DNPEP: variants seen among roughly 807,000 people sequenced by gnomAD.
DNPEP encodes aspartyl aminopeptidase.
A neutral mutation model predicts 59.1 loss-of-function variants in DNPEP; 46 were observed. That is an observed-to-expected ratio of 0.78 (90% CI 0.61 to 0.99). DNPEP has a LOEUF of 0.99. Among genes scored for constraint, DNPEP ranks in the 50% least tolerant of loss-of-function variants. DNPEP has a pLI of 0.00. For synonymous variants in DNPEP, 229 were observed against 242.2 expected, an observed-to-expected ratio of 0.95 and a Z score of 0.50; for missense variants, 617 against 649.9, an observed-to-expected ratio of 0.95 and a Z score of 0.55.
rs1372257162 is a variant in DNPEP, at chr2:219,372,051, T to C, written c.*2241A>G. Among the ~76,000 whole-genome samples the C allele has an allele frequency of 6.6e-6, 1 of 152,196 alleles. No individual in the cohort carries two copies. Among genetic ancestry groups the C allele is most frequent in the Non-Finnish European group, 1.5e-5 (1 of 68,036 alleles). On this transcript the variant is annotated 3_prime_UTR_variant, in exon 15 of 15. Coordinates refer to ENST00000273075, the MANE Select transcript of DNPEP (RefSeq NM_012100.4). ...ATGTACAATGATATATGTACATTTATCTCAATGTTATTTAGAGTTGTCAAC... is the reference window on the plus strand; with the variant it reads ...ATGTACAATGATATATGTACATTTACCTCAATGTTATTTAGAGTTGTCAAC...
chr2:219,390,707 G>A (rs1425382615), upstream of DNPEP, among the ~76,000 whole-genome samples: 1 of 152,128 alleles, frequency 6.6e-6, no homozygotes, highest in Non-Finnish European at 1.5e-5. Flanking sequence ...GTGTGCACTT[G>A]TAATCCCAGC....
intron 1 of DNPEP, among the ~76,000 whole-genome samples, chr2:219,397,265 G>T (rs1954114572): frequency 7.2e-6 from 1 of 138,784 alleles, no homozygotes; most frequent in African/African-American, 2.7e-5. Flanking sequence ...CAGACAGGAA[G>T]CTTGAGACAG....
At chr2:219,391,908 A>C (rs1465200850), upstream of DNPEP, among the ~76,000 whole-genome samples, 1 of 151,680 alleles carries the variant, frequency 6.6e-6, no homozygotes, top group East Asian at 1.9e-4. Context: ...AGGAATTGTT[A>C]CAGAAAAGAA....
At chr2:219,379,782 A>T (rs1204567419) in intron 13 of DNPEP, among the ~76,000 whole-genome samples, 1 of 151,970 alleles carries the variant, frequency 6.6e-6, no homozygotes, top group Non-Finnish European at 1.5e-5. Context: ...TTAGCCAGGC[A>T]TGGTGGTGCG....
upstream of DNPEP, chr2:219,387,922 G>A (rs1953924145): frequency 4.4e-6 from 6 of 1,362,212 alleles, no homozygotes; most frequent in Admixed American, 3.9e-5. Flanking sequence ...CCCCGGCCGC[G>A]CCGCCCCGCC....
rs1253104475 is a variant in DNPEP at position 219,381,578 on chromosome 2, C to T, written c.1104G>A (p.Lys368=). Residue 368 remains lysine, a synonymous_variant, in exon 12 of 15, where the codon AAG becomes AAA. Coordinates refer to ENST00000273075, the MANE Select transcript of DNPEP (RefSeq NM_012100.4). Reference sequence around the variant, plus strand: ...ATAAAGGCCGGTGGTTCTCCTCATGCTTGTCCCTGTAAGAGACAGATAAGG... The same window carrying T: ...ATAAAGGCCGGTGGTTCTCCTCATGTTTGTCCCTGTAAGAGACAGATAAGG... The part of the protein sequence containing the change: ...AHAVHPNYLD[K]HEENHRPLFH... 1 of 1,614,134 alleles carries T rather than the reference C, an allele frequency of 6.2e-7. No homozygotes were observed. The highest frequency in any genetic ancestry group is 8.5e-7 in the Non-Finnish European group (1 of 1,180,028).
At position 219,382,516 on chromosome 2, in the gene DNPEP, G is replaced by A. The variant is rs1305436757; in HGVS notation, c.937-377C>T. Reference sequence around the variant, plus strand: ...AGCTAAGCACTTAACTACCCAGCTAGAGATGACATTTCCAGGCTCCCCTGC... The same window carrying A: ...AGCTAAGCACTTAACTACCCAGCTAAAGATGACATTTCCAGGCTCCCCTGC... On this transcript the variant is annotated intron_variant, in intron 10 of 14. Coordinates refer to ENST00000273075, the MANE Select transcript of DNPEP (RefSeq NM_012100.4). Among the ~76,000 whole-genome samples, 6 of 152,196 alleles carry A rather than the reference G, an allele frequency of 3.9e-5. No homozygotes were observed. The South Asian group carries it at 1.2e-3, about 31-fold the overall frequency.
At chr2:219,387,958 C>G (rs1953926806), upstream of DNPEP, 2 of 1,324,354 alleles carry the variant, frequency 1.5e-6, no homozygotes, top group Non-Finnish European at 1.9e-6. Context: ...CCGCCCACCT[C>G]TCCCCGCCCC....
intron 1 of DNPEP, among the ~76,000 whole-genome samples, chr2:219,398,788 C>T (rs1424169672): frequency 6.6e-6 from 1 of 152,224 alleles, no homozygotes; most frequent in Non-Finnish European, 1.5e-5. Flanking sequence ...GTCTGGGGTG[C>T]ACTCCTACCA....
intron 13 of DNPEP, among the ~76,000 whole-genome samples, chr2:219,379,698 G>A (rs931058047): frequency 6.6e-6 from 1 of 151,976 alleles, no homozygotes; most frequent in Non-Finnish European, 1.5e-5. Context: ...CGAGGCGGGC[G>A]GATCACAAGG....
upstream of DNPEP, among the ~76,000 whole-genome samples, chr2:219,393,290 G>GT (rs1168974123): frequency 4.0e-5 from 6 of 151,640 alleles, no homozygotes; most frequent in East Asian, 1.2e-3. Context: ...TTTTTTTTTA[G>GT]TTTTTTTGAG....
chr2:219,392,884 G>A (rs1329371875), upstream of DNPEP, among the ~76,000 whole-genome samples: 3 of 152,160 alleles, frequency 2.0e-5, no homozygotes, highest in African/African-American at 7.2e-5. Flanking sequence ...CCTAGGATGA[G>A]CCATACATTC....
At chr2:219,381,926 A>T in intron 11 of DNPEP, 53 bp downstream of exon 11, 1 of 1,599,272 alleles carries the variant, frequency 6.3e-7, no homozygotes, top group Admixed American at 1.7e-5. Context: ...AAGGCAGGTT[A>T]TGCTTGGGTC....
chr2:219,383,046 C>A, intron 10 of DNPEP, 85 bp downstream of exon 10: 1 of 1,307,850 alleles, frequency 7.6e-7, no homozygotes, highest in Non-Finnish European at 1.1e-6. Context: ...CCCAGAAGAG[C>A]CCTGGCTCAC....
rs370242715 is a variant in DNPEP, at chr2:219,382,068, C to T, written c.1008G>A (p.Ser336=). 73 of 1,613,956 alleles carry T rather than the reference C, an allele frequency of 4.5e-5. No individual in the cohort carries two copies. Among genetic ancestry groups the T allele is most frequent in the Middle Eastern group, 1.6e-4 (1 of 6,084 alleles). ...TELVLRRISA[S]CQHPTAFEEA... ...CCTCGAAGGCTGTCGGGTGCTGGCA[C>T]GAGGCTGAGATCCGCCGCAGCACCA... Residue 336 remains serine (S), a synonymous_variant, in exon 11 of 15, where the codon TCG becomes TCA. Transcript: ENST00000273075.
In DNPEP at chr2:219,374,205, A is replaced by G. The variant is rs1027806088; in HGVS notation, c.*87T>C. On this transcript the variant is annotated 3_prime_UTR_variant, in exon 15 of 15. Transcript: ENST00000273075. ...CGTAGCACGGAGAGTCTGAGTGACA[A>G]TCCACTTTAATAATCCAGCTTCAGC... The G allele has an allele frequency of 3.2e-6, 4 of 1,259,550 alleles. No homozygotes were observed. The highest frequency in any genetic ancestry group is 3.4e-5 in the Admixed American group (2 of 58,364). 78.0% of individuals were successfully genotyped at this position (1,259,550 alleles called of 1,614,324 possible).
chr2:219,395,276 A>C (rs1045189156), intron 1 of DNPEP, among the ~76,000 whole-genome samples: 1 of 152,136 alleles, frequency 6.6e-6, no homozygotes, highest in African/African-American at 2.4e-5. Flanking sequence ...GAGAACTTAC[A>C]TACAAGATGG....
chr2:219,375,426 A>G (rs1260198176), intron 13 of DNPEP, among the ~76,000 whole-genome samples: 1 of 152,244 alleles, frequency 6.6e-6, no homozygotes, highest in Non-Finnish European at 1.5e-5. Context: ...ATGATGCTAG[A>G]TATCAAGGTT....
chr2:219,389,302 G>C (rs1177444366), upstream of DNPEP, among the ~76,000 whole-genome samples: 1 of 152,046 alleles, frequency 6.6e-6, no homozygotes, highest in Non-Finnish European at 1.5e-5. Flanking sequence ...GTGGCCTCTA[G>C]ATCCAAAACA....
Sources: allele counts gnomAD v4.1 joint callset (sites outside exome capture counted in the v4.1 genomes callset), GRCh38; gene constraint gnomAD v4.1.1; transcripts MANE v1.5; gene names NCBI Gene and HGNC (gene_info 2026-07-23, HGNC 2026-07-21).